The following PDZRN4 variants were observed in gnomAD, a reference collection of about 807,000 sequenced individuals.
The protein encoded by PDZRN4 is PDZ domain-containing RING finger protein 4.
PDZRN4 carries 70 observed loss-of-function variants against 99.0 expected under a neutral mutation model. That is an observed-to-expected ratio of 0.71 (90% CI 0.58 to 0.86). PDZRN4 has a LOEUF of 0.86. Ranked by LOEUF, PDZRN4 falls within the 40% of genes least tolerant of loss-of-function variation. The probability of loss-of-function intolerance (pLI) is 0.00; values close to 1 mark genes in which losing one functional copy is unlikely to be tolerated. For synonymous variants in PDZRN4, 551 were observed against 501.6 expected (o/e 1.10, Z -1.32); for missense variants, 1,474 against 1,331.2 (o/e 1.11, Z -1.67).
At chr12:41,357,444 A>C (rs1228168883) in intron 3 of PDZRN4, among the ~76,000 whole-genome samples, 1 of 151,908 alleles carries the variant, frequency 6.6e-6, no homozygotes, top group Non-Finnish European at 1.5e-5. Flanking sequence ...GTATGGTATT[A>C]TTTTCATTTA....
chr12:41,514,711 C>T (rs557026580), intron 5 of PDZRN4, among the ~76,000 whole-genome samples: 167 of 152,202 alleles, frequency 1.1e-3, no homozygotes, highest in Non-Finnish European at 2.1e-3. Flanking sequence ...AGTCCCTTTC[C>T]TCTTTTCCAT....
chr12:41,234,618 C>T lies in PDZRN4; in HGVS notation c.843+40430C>T, dbSNP rs370118234. On this transcript the variant is annotated intron_variant, in intron 3 of 9. Transcript: ENST00000402685. Reference sequence around the variant, plus strand: ...CATTTGAGCACATAGGAAGCTTTTGCGGTTCATCTAAATGTACATATTAGT... The same window carrying T: ...CATTTGAGCACATAGGAAGCTTTTGTGGTTCATCTAAATGTACATATTAGT... Among the ~76,000 whole-genome samples, 144 of 152,156 alleles carry T rather than the reference C, an allele frequency of 9.5e-4. 4 individuals are homozygous for T. In the South Asian group the frequency reaches 0.028, roughly 29 times the overall value.
At chr12:41,190,235 T>C (rs1950727845) in intron 1 of PDZRN4, among the ~76,000 whole-genome samples, 1 of 152,152 alleles carries the variant, frequency 6.6e-6, no homozygotes, top group South Asian at 2.1e-4. Flanking sequence ...AAGAGAAAAT[T>C]GAAGTGAGAG....
intron 3 of PDZRN4, among the ~76,000 whole-genome samples, chr12:41,440,790 T>C (rs1189574470): frequency 2.0e-5 from 3 of 152,196 alleles, no homozygotes; most frequent in Non-Finnish European, 4.4e-5. Context: ...ACACAGTTTT[T>C]ATCTACAGTG....
chr12:41,372,759 A>G (rs1199872068), intron 3 of PDZRN4, among the ~76,000 whole-genome samples: 1 of 152,180 alleles, frequency 6.6e-6, no homozygotes, highest in Non-Finnish European at 1.5e-5. Flanking sequence ...TAAGCCATTT[A>G]AGACAGTTTA....
At chr12:41,552,947 T>C (rs749625405) in intron 6 of PDZRN4, among the ~76,000 whole-genome samples, 193 bp downstream of exon 6, 6 of 152,184 alleles carry the variant, frequency 3.9e-5, no homozygotes, top group Non-Finnish European at 7.3e-5. Flanking sequence ...TATGAGCTTG[T>C]TTAATGTGAA....
At chr12:41,336,313 C>T (rs183605910) in intron 3 of PDZRN4, among the ~76,000 whole-genome samples, 1 of 152,248 alleles carries the variant, frequency 6.6e-6, no homozygotes, top group Admixed American at 6.6e-5. Flanking sequence ...TTGTATGTCA[C>T]TGGCTAGCTC....
intron 3 of PDZRN4, among the ~76,000 whole-genome samples, chr12:41,346,443 AAG>A (rs889653470): frequency 8.5e-5 from 13 of 152,118 alleles, no homozygotes; most frequent in African/African-American, 3.1e-4. Flanking sequence ...GCCTGGGTGA[AAG>A]AGCGAGATTC....
intron 3 of PDZRN4, among the ~76,000 whole-genome samples, chr12:41,256,234 C>G (rs1224120374): frequency 6.6e-6 from 1 of 152,022 alleles, no homozygotes; most frequent in Non-Finnish European, 1.5e-5. Flanking sequence ...AAACAAATTT[C>G]TGAACAGGAT....
intron 3 of PDZRN4, among the ~76,000 whole-genome samples, chr12:41,280,074 C>G (rs1262190371): frequency 6.6e-6 from 1 of 152,122 alleles, no homozygotes; most frequent in Non-Finnish European, 1.5e-5. Context: ...CGAGCAGAAG[C>G]AGGGTGGGGT....
chr12:41,308,065 A>T (rs540294670), intron 3 of PDZRN4, among the ~76,000 whole-genome samples: 2 of 152,140 alleles, frequency 1.3e-5, no homozygotes, highest in Non-Finnish European at 2.9e-5. Flanking sequence ...TGTAATTCTG[A>T]TGTATATATA....
intron 3 of PDZRN4, among the ~76,000 whole-genome samples, chr12:41,381,940 G>T (rs138496093): frequency 1.3e-3 from 193 of 152,224 alleles, no homozygotes; most frequent in African/African-American, 4.5e-3. Flanking sequence ...AGGCAGGTAG[G>T]GCTAACTGTC....
chr12:41,386,560 A>G (rs1251014611), intron 3 of PDZRN4, among the ~76,000 whole-genome samples: 2 of 152,246 alleles, frequency 1.3e-5, no homozygotes, highest in South Asian at 4.1e-4. Context: ...AAAGCAATTT[A>G]TAAGTTCAAT....
intron 3 of PDZRN4, among the ~76,000 whole-genome samples, chr12:41,400,898 C>A (rs1952284516): frequency 6.6e-6 from 1 of 152,082 alleles, no homozygotes; most frequent in Admixed American, 6.6e-5. Context: ...GCATTTATAT[C>A]CTTTGCATTT....
intron 3 of PDZRN4, among the ~76,000 whole-genome samples, chr12:41,197,920 G>GCTTTTTTTTTTTTTTGTTTTT (rs1950786550): frequency 8.7e-6 from 1 of 115,602 alleles, no homozygotes; most frequent in South Asian, 3.0e-4. Context: ...TTTTTTCTGG[G>GCTTTTTTTTTTTTTTGTTTTT]TTTTTTTTTT....
chr12:41,463,159 A>G (rs908614701), intron 3 of PDZRN4, among the ~76,000 whole-genome samples: 1 of 152,196 alleles, frequency 6.6e-6, no homozygotes, highest in Non-Finnish European at 1.5e-5. Flanking sequence ...CTGTGATCAA[A>G]CCCACCTTTC....
At chr12:41,411,774 C>G (rs1223958958) in intron 3 of PDZRN4, 1 of 152,162 alleles carries the variant, frequency 6.6e-6, no homozygotes, top group Non-Finnish European at 1.5e-5. Flanking sequence ...CAAAATAGAG[C>G]AGCTATATTC....
intron 3 of PDZRN4, among the ~76,000 whole-genome samples, chr12:41,233,203 G>A (rs1271797062): frequency 3.3e-5 from 5 of 152,136 alleles, no homozygotes; most frequent in Admixed American, 1.3e-4. Flanking sequence ...ATCATCACTG[G>A]TCATCAGAGA....
intron 3 of PDZRN4, among the ~76,000 whole-genome samples, chr12:41,286,809 A>G (rs1471588486): frequency 6.6e-6 from 1 of 152,190 alleles, no homozygotes; most frequent in African/African-American, 2.4e-5. Context: ...ATGATGTATT[A>G]TGACACACAC....
Sources: gnomAD v4.1 joint callset for allele counts (sites outside exome capture counted in the v4.1 genomes callset) on GRCh38, gnomAD v4.1.1 for gene constraint, MANE v1.5 for transcripts, NCBI Gene and HGNC (gene_info 2026-07-23, HGNC 2026-07-21) for gene names.